The following RASGRP3 variants were observed in gnomAD, a reference collection of about 807,000 sequenced individuals.
RASGRP3 encodes RAS guanyl releasing protein 3, also known as ras guanyl-releasing protein 3.
A neutral mutation model predicts 82.7 loss-of-function variants in RASGRP3; 54 were observed. That is an observed-to-expected ratio of 0.65 (90% CI 0.52 to 0.82). The LOEUF is 0.82. Among genes scored for constraint, RASGRP3 ranks in the 40% least tolerant of loss-of-function variants. RASGRP3 has a pLI of 0.00. For synonymous variants in RASGRP3, 309 were observed against 300.5 expected (o/e 1.03, Z -0.29); for missense variants, 861 against 828.9 (o/e 1.04, Z -0.48).
upstream of RASGRP3, among the ~76,000 whole-genome samples, chr2:33,471,894 A>G (rs953147392): frequency 1.2e-4 from 6 of 50,706 alleles, no homozygotes; most frequent in South Asian, 9.4e-4. Context: ...TCTCCAATCA[A>G]TGATTTTTTT....
intron 2 of RASGRP3, among the ~76,000 whole-genome samples, chr2:33,464,892 G>A (rs1469754016): frequency 2.0e-5 from 3 of 152,084 alleles, no homozygotes; most frequent in Admixed American, 6.5e-5. Context: ...CTACAAACTG[G>A]CCATTTCCCC....
chr2:33,476,958 G>A (rs892098038), intron 1 of RASGRP3, among the ~76,000 whole-genome samples: 5 of 151,946 alleles, frequency 3.3e-5, no homozygotes, highest in African/African-American at 1.2e-4. Flanking sequence ...GGATGAATGG[G>A]GCATATGGCT....
intron 1 of RASGRP3, among the ~76,000 whole-genome samples, chr2:33,510,928 G>A (rs1279259694): frequency 6.6e-6 from 1 of 152,020 alleles, no homozygotes; most frequent in Admixed American, 6.6e-5. Context: ...TTCTAAAATT[G>A]GGAGCACTGT....
At chr2:33,533,329 C>A (rs1342696370) in intron 10 of RASGRP3, 1 of 152,190 alleles carries the variant, frequency 6.6e-6, no homozygotes, top group Non-Finnish European at 1.5e-5. Context: ...TCCCAATCCT[C>A]CTGGTTAAGT....
intron 2 of RASGRP3, among the ~76,000 whole-genome samples, chr2:33,459,573 A>G (rs1051674208): frequency 6.6e-6 from 1 of 150,448 alleles, no homozygotes. Flanking sequence ...TTTAACTATT[A>G]TAATAGGGAA....
chr2:33,456,303 C>G (rs1401325865), intron 2 of RASGRP3, among the ~76,000 whole-genome samples: 1 of 152,170 alleles, frequency 6.6e-6, no homozygotes, highest in African/African-American at 2.4e-5. Flanking sequence ...TTTAGACCAT[C>G]TACACTGTGA....
At chr2:33,494,276 G>A (rs532209044) in intron 1 of RASGRP3, among the ~76,000 whole-genome samples, 3 of 152,316 alleles carry the variant, frequency 2.0e-5, no homozygotes, top group African/African-American at 4.8e-5. Context: ...ATCAGAAGAC[G>A]TGAATGACCA....
chr2:33,482,926 T>G (rs1668063907), intron 1 of RASGRP3: 1 of 152,194 alleles, frequency 6.6e-6, no homozygotes, highest in Non-Finnish European at 1.5e-5. Flanking sequence ...TAAAAAATAT[T>G]CTGAAAAATG....
intron 12 of RASGRP3, among the ~76,000 whole-genome samples, chr2:33,542,660 C>G (rs538019331): frequency 6.8e-6 from 1 of 146,218 alleles, no homozygotes; most frequent in Non-Finnish European, 1.5e-5. Flanking sequence ...TCCTCTTTCC[C>G]CCCCCCACCA....
At chr2:33,500,346 A>G (rs1669747714) in intron 1 of RASGRP3, among the ~76,000 whole-genome samples, 2 of 152,130 alleles carry the variant, frequency 1.3e-5, no homozygotes. Context: ...TGGGCCCAGG[A>G]GAGAGGGGAG....
intron 1 of RASGRP3, among the ~76,000 whole-genome samples, chr2:33,447,499 G>T (rs1040321780): frequency 6.6e-6 from 1 of 151,254 alleles, no homozygotes; most frequent in Non-Finnish European, 1.5e-5. Flanking sequence ...GCAGTGGTCC[G>T]ATCTTGGCTC....
At chr2:33,545,735 A>G (rs1674669560) in intron 13 of RASGRP3, among the ~76,000 whole-genome samples, 1 of 152,210 alleles carries the variant, frequency 6.6e-6, no homozygotes, top group Non-Finnish European at 1.5e-5. Flanking sequence ...ATCACTGATA[A>G]TTAGAGAAAT....
chr2:33,450,822 C>CTTTTT lies in RASGRP3; in HGVS notation c.-261+2908_-261+2912dup, dbSNP rs1170217165. On this transcript the variant is annotated intron_variant, in intron 2 of 18. Coordinates refer to the RASGRP3 transcript ENST00000402538. Reference sequence around the variant, plus strand: ...TCTTTCTTTTTCTCTTTCTTTCTTTCTTTTTTTTTTTTTTTTTTTTTTTTT... The same window carrying CTTTTT: ...TCTTTCTTTTTCTCTTTCTTTCTTTCTTTTTTTTTTTTTTTTTTTTTTTTTTTTTT... 5.3e-3 allele frequency among the ~76,000 whole-genome samples: 101 copies of CTTTTT among 18,984 alleles called. 16 individuals are homozygous for CTTTTT. Among genetic ancestry groups the CTTTTT allele is most frequent in the Middle Eastern group, 0.024 (1 of 42 alleles). The allele number at this position is 18,984 out of a possible 152,430, so 12.5% of individuals were successfully genotyped here. A position where few individuals can be genotyped will look rare whatever the true frequency, so the allele number is the denominator to read the frequency against.
intron 1 of RASGRP3, among the ~76,000 whole-genome samples, chr2:33,441,338 A>G (rs1558388792): frequency 6.6e-6 from 1 of 152,042 alleles, no homozygotes; most frequent in Non-Finnish European, 1.5e-5. Flanking sequence ...CCACATATAA[A>G]TTAGATCGTG....
chr2:33,480,066 A>G (rs1028773796), intron 1 of RASGRP3, among the ~76,000 whole-genome samples: 2 of 135,312 alleles, frequency 1.5e-5, no homozygotes, highest in Non-Finnish European at 3.1e-5. Context: ...TTTTTTTGAG[A>G]CAGTCTCGCT....
intron 9 of RASGRP3, among the ~76,000 whole-genome samples, chr2:33,526,523 T>C (rs529979864): frequency 6.6e-6 from 1 of 152,362 alleles, no homozygotes; most frequent in African/African-American, 2.4e-5. Flanking sequence ...TTTTAAATGT[T>C]GTGAAGAATA....
intron 2 of RASGRP3, among the ~76,000 whole-genome samples, chr2:33,470,171 T>G (rs4670564): frequency 0.011 from 1,702 of 152,268 alleles, 102 homozygotes; most frequent in Admixed American, 0.099. Context: ...TAAGCAAAAT[T>G]TGATTATATT....
intron 1 of RASGRP3, among the ~76,000 whole-genome samples, chr2:33,447,293 G>A (rs1387462141): frequency 6.6e-6 from 1 of 152,106 alleles, no homozygotes; most frequent in Non-Finnish European, 1.5e-5. Context: ...GGGCCAGGGG[G>A]ACAGACTGTT....
chr2:33,560,318 A>T (rs1676504783), intron 17 of RASGRP3, among the ~76,000 whole-genome samples: 1 of 152,286 alleles, frequency 6.6e-6, no homozygotes, highest in Non-Finnish European at 1.5e-5. Context: ...CCCACTGATC[A>T]TCTTGACAAC....
Sources: allele counts gnomAD v4.1 joint callset (sites outside exome capture counted in the v4.1 genomes callset), GRCh38; gene constraint gnomAD v4.1.1; transcripts MANE v1.5; gene names NCBI Gene and HGNC (gene_info 2026-07-23, HGNC 2026-07-21).